ADAMTS6: variants seen among roughly 807,000 people sequenced by gnomAD.
ADAMTS6 encodes the protein ADAM metallopeptidase with thrombospondin type 1 motif 6.
A neutral mutation model predicts 144.3 loss-of-function variants in ADAMTS6; 23 were observed. That is an observed-to-expected ratio of 0.16 (90% CI 0.11 to 0.23). The LOEUF (loss-of-function observed/expected upper bound fraction) is 0.23, where lower values mean the gene tolerates loss of function less well. Among genes scored for constraint, ADAMTS6 ranks in the 10% least tolerant of loss-of-function variants. The pLI is 1.00. For synonymous variants in ADAMTS6, 444 were observed against 457.5 expected, an observed-to-expected ratio of 0.97 and a Z score of 0.38; for missense variants, 999 against 1,379.6, an observed-to-expected ratio of 0.72 and a Z score of 4.37.
intron 1 of ADAMTS6, among the ~76,000 whole-genome samples, chr5:65,480,789 ACAC>A: frequency 6.6e-6 from 1 of 152,184 alleles, no homozygotes; most frequent in Non-Finnish European, 1.5e-5. Flanking sequence ...AATCAAAAAC[ACAC>A]GTTTCCATCT....
At chr5:65,378,630 C>G (rs1026459290) in intron 7 of ADAMTS6, among the ~76,000 whole-genome samples, 1 of 152,168 alleles carries the variant, frequency 6.6e-6, no homozygotes, top group Admixed American at 6.5e-5. Flanking sequence ...CCTAAAGAAG[C>G]AACATCCAAA....
At chr5:65,206,695 A>C (rs1756107868) in intron 20 of ADAMTS6, among the ~76,000 whole-genome samples, 1 of 94,118 alleles carries the variant, frequency 1.1e-5, no homozygotes, top group African/African-American at 4.9e-5. Context: ...GCCAGACTCC[A>C]TCTCAAAAAA....
At chr5:65,224,440 C>G (rs1311621144) in intron 17 of ADAMTS6, 40 bp from the exon 18 acceptor site, 1 of 1,536,572 alleles carries the variant, frequency 6.5e-7, no homozygotes. Flanking sequence ...CAGCCTTGGT[C>G]AGGAAATGAG....
At chr5:65,414,024 G>A (rs1192255393) in intron 7 of ADAMTS6, among the ~76,000 whole-genome samples, 1 of 152,086 alleles carries the variant, frequency 6.6e-6, no homozygotes, top group Non-Finnish European at 1.5e-5. Flanking sequence ...CTTTTCCTAG[G>A]AAGGAAGTCA....
chr5:65,197,305 C>A (rs1228225869), intron 20 of ADAMTS6, among the ~76,000 whole-genome samples, 154 bp from the exon 21 acceptor site: 1 of 152,092 alleles, frequency 6.6e-6, no homozygotes, highest in Non-Finnish European at 1.5e-5. Flanking sequence ...GAGAGAAGAC[C>A]TGGTCATTAT....
intron 14 of ADAMTS6, among the ~76,000 whole-genome samples, chr5:65,243,242 CAG>C (rs1481012758): frequency 6.6e-6 from 1 of 152,108 alleles, no homozygotes; most frequent in Non-Finnish European, 1.5e-5. Context: ...CAGGCACACT[CAG>C]AGATTGTTTT....
rs193285785 is a variant in ADAMTS6 at position 65,295,430 on chromosome 5, C to T, written c.1371-3960G>A. Among the ~76,000 whole-genome samples the T allele has an allele frequency of 2.9e-4, 44 of 152,146 alleles. No homozygotes were observed. The East Asian group carries it at 5.2e-3, about 18-fold the overall frequency. On this transcript the variant is annotated intron_variant, in intron 10 of 24. Transcript: ENST00000381055. Reference sequence around the variant, plus strand: ...TGTAGTGATATTATATACAAATCTTCTCATCAAATAATAATTTTAAACATA... The same window carrying T: ...TGTAGTGATATTATATACAAATCTTTTCATCAAATAATAATTTTAAACATA...
intron 22 of ADAMTS6, among the ~76,000 whole-genome samples, chr5:65,182,283 CT>C (rs1268821521): frequency 7.3e-5 from 11 of 151,580 alleles, no homozygotes; most frequent in African/African-American, 2.7e-4. Flanking sequence ...CCTGTCTCTA[CT>C]AAAAATACAA....
chr5:65,180,072 T>C (rs1754249862), intron 22 of ADAMTS6, among the ~76,000 whole-genome samples: 1 of 152,118 alleles, frequency 6.6e-6, no homozygotes, highest in Non-Finnish European at 1.5e-5. Flanking sequence ...TGATTTACCA[T>C]TAGGTAAATC....
At chr5:65,390,490 T>C (rs1752824218) in intron 7 of ADAMTS6, among the ~76,000 whole-genome samples, 2 of 152,172 alleles carry the variant, frequency 1.3e-5, no homozygotes, top group African/African-American at 4.8e-5. Flanking sequence ...GAACGGTTAA[T>C]ATACCAGCAG....
intron 3 of ADAMTS6, among the ~76,000 whole-genome samples, chr5:65,467,109 A>G (rs1450465632): frequency 6.6e-6 from 1 of 151,970 alleles, no homozygotes; most frequent in African/African-American, 2.4e-5. Flanking sequence ...AATTAGAAAT[A>G]TGACTGCTGT....
rs866884304 is a variant in ADAMTS6, at chr5:65,230,740, C to T, written c.1934-4521G>A. On this transcript the variant is annotated intron_variant, in intron 15 of 24. Coordinates refer to ENST00000381055, the MANE Select transcript of ADAMTS6 (RefSeq NM_197941.4). ...ACATATGTATGAAATATATATATAA[C>T]ACATATGTATGAAATATATATATAA... Among the ~76,000 whole-genome samples the T allele has an allele frequency of 2.5e-3, 209 of 82,864 alleles. 17 individuals are homozygous for T. Among genetic ancestry groups the T allele is most frequent in the African/African-American group, 9.7e-3 (190 of 19,546 alleles). 54.4% of individuals were successfully genotyped at this position (82,864 alleles called of 152,430 possible).
chr5:65,471,171 A>G lies in ADAMTS6; in HGVS notation c.98-29T>C, dbSNP rs559473191. 19 of 1,551,866 alleles carry G rather than the reference A, an allele frequency of 1.2e-5. No individual in the cohort carries two copies. The Admixed American group carries it at 3.6e-4, about 29-fold the overall frequency. On this transcript the variant is annotated intron_variant, in intron 2 of 24. Transcript: ENST00000381055. ...TGTAATCACAAGGCAGAGAATCCAG[A>G]AAAAAAACACATGGAAGAAAAGAAA... is the stretch of plus-strand genomic sequence containing the variant.
chr5:65,177,908 A>G (rs570741500), intron 22 of ADAMTS6, among the ~76,000 whole-genome samples: 3 of 152,254 alleles, frequency 2.0e-5, no homozygotes, highest in Admixed American at 1.3e-4. Context: ...ACCTGGAGTA[A>G]TAAGTCGTGC....
intron 9 of ADAMTS6, among the ~76,000 whole-genome samples, chr5:65,324,982 CACA>C (rs1746025388): frequency 6.6e-6 from 1 of 152,126 alleles, no homozygotes; most frequent in Non-Finnish European, 1.5e-5. Context: ...TACTGATAGA[CACA>C]ACAACACAGA....
chr5:65,227,493 T>C (rs1757815983), intron 15 of ADAMTS6, among the ~76,000 whole-genome samples: 1 of 152,156 alleles, frequency 6.6e-6, no homozygotes, highest in Non-Finnish European at 1.5e-5. Context: ...TTTGACCATA[T>C]CTAATTATGC....
chr5:65,402,588 T>G (rs1472195075), intron 7 of ADAMTS6, among the ~76,000 whole-genome samples: 4 of 152,068 alleles, frequency 2.6e-5, no homozygotes, highest in Admixed American at 1.3e-4. Context: ...AGAAGGAAAC[T>G]TCCAGATGCT....
intron 24 of ADAMTS6, among the ~76,000 whole-genome samples, chr5:65,163,553 C>A (rs1752919610): frequency 6.6e-6 from 1 of 152,102 alleles, no homozygotes; most frequent in Non-Finnish European, 1.5e-5. Flanking sequence ...CCCAAGAAAA[C>A]ACTTTTAAAT....
At chr5:65,326,306 C>A (rs1211700615) in intron 9 of ADAMTS6, among the ~76,000 whole-genome samples, 1 of 152,144 alleles carries the variant, frequency 6.6e-6, no homozygotes, top group African/African-American at 2.4e-5. Flanking sequence ...TATAAGGTTT[C>A]ATTAAGTGCC....
Sources: allele counts gnomAD v4.1 joint callset (sites outside exome capture counted in the v4.1 genomes callset), GRCh38; gene constraint gnomAD v4.1.1; transcripts MANE v1.5; gene names NCBI Gene and HGNC (gene_info 2026-07-23, HGNC 2026-07-21).